The following ITGA8 variants were observed in gnomAD, a reference collection of about 807,000 sequenced individuals.
ITGA8 encodes the protein integrin alpha-8.
ITGA8 carries 91 observed loss-of-function variants against 142.3 expected under a neutral mutation model. The observed-to-expected ratio is 0.64, with a 90% CI of 0.54 to 0.76. The LOEUF (loss-of-function observed/expected upper bound fraction) is 0.76. Among genes scored for constraint, ITGA8 ranks in the 30% least tolerant of loss-of-function variants. The pLI is 0.00. For missense variants in ITGA8, 1,406 were observed against 1,327.7 expected (o/e 1.06, Z -0.92); for synonymous variants, 505 against 485.2 (o/e 1.04, Z -0.54).
chr10:15,606,751 C>CA (rs1177326460), intron 17 of ITGA8, among the ~76,000 whole-genome samples: 8 of 152,074 alleles, frequency 5.3e-5, no homozygotes, highest in Non-Finnish European at 7.4e-5. Context: ...ATAAATGTCA[C>CA]AAAAAACATC....
intron 28 of ITGA8, among the ~76,000 whole-genome samples, chr10:15,525,800 ATTAT>A (rs907940747): frequency 3.9e-5 from 6 of 152,064 alleles, no homozygotes; most frequent in Non-Finnish European, 7.4e-5. Flanking sequence ...TGAATCATGT[ATTAT>A]TTATTAATGA....
intron 20 of ITGA8, among the ~76,000 whole-genome samples, chr10:15,599,675 C>T (rs887996630): frequency 6.6e-6 from 1 of 151,350 alleles, no homozygotes; most frequent in African/African-American, 2.4e-5. Flanking sequence ...AATCCCAGCA[C>T]TTTGGGAGGC....
intron 26 of ITGA8, among the ~76,000 whole-genome samples, chr10:15,556,814 A>G (rs1386103339): frequency 3.9e-5 from 6 of 152,208 alleles, no homozygotes; most frequent in Non-Finnish European, 8.8e-5. Context: ...CTATCTAACT[A>G]TATTTTGTAC....
At chr10:15,642,430 T>C (rs1234449419) in intron 13 of ITGA8, among the ~76,000 whole-genome samples, 1 of 152,172 alleles carries the variant, frequency 6.6e-6, no homozygotes, top group Admixed American at 6.5e-5. Flanking sequence ...ATGACTACCA[T>C]AATAAATAGC....
At chr10:15,633,787 C>T (rs372759757) in intron 13 of ITGA8, among the ~76,000 whole-genome samples, 72 of 152,196 alleles carry the variant, frequency 4.7e-4, no homozygotes, top group African/African-American at 1.7e-3. Flanking sequence ...TTTTCCCCCC[C>T]TCACTCATAT....
At chr10:15,612,767 T>A (rs747552606) in intron 15 of ITGA8, among the ~76,000 whole-genome samples, 22 of 152,256 alleles carry the variant, frequency 1.4e-4, no homozygotes, top group Non-Finnish European at 3.1e-4. Flanking sequence ...TCTTGTATAA[T>A]GTGTTCCTTC....
chr10:15,586,250 G>C (rs1434155518), intron 23 of ITGA8, among the ~76,000 whole-genome samples: 2 of 150,800 alleles, frequency 1.3e-5, no homozygotes, highest in South Asian at 4.2e-4. Context: ...GGAGAGACAG[G>C]GTTTCACGAT....
intron 13 of ITGA8, among the ~76,000 whole-genome samples, chr10:15,640,411 G>A (rs1343625217): frequency 6.6e-6 from 1 of 152,180 alleles, no homozygotes; most frequent in African/African-American, 2.4e-5. Context: ...AATTTGAAAG[G>A]CAAAGTGCTT....
chr10:15,537,014 G>C (rs921140334), intron 27 of ITGA8, among the ~76,000 whole-genome samples: 2 of 152,092 alleles, frequency 1.3e-5, no homozygotes, highest in African/African-American at 4.8e-5. Context: ...CAAAACCTAA[G>C]GAATTAGTGG....
chr10:15,648,219 G>A (rs985769594), intron 11 of ITGA8, among the ~76,000 whole-genome samples: 2 of 151,988 alleles, frequency 1.3e-5, no homozygotes, highest in African/African-American at 4.8e-5. Context: ...TAAATTAATG[G>A]CCTCTATTAA....
At chr10:15,547,444 C>T (rs1338694173) in intron 27 of ITGA8, among the ~76,000 whole-genome samples, 7 of 152,144 alleles carry the variant, frequency 4.6e-5, no homozygotes, top group East Asian at 1.9e-4. Context: ...TGGTGGCCCA[C>T]GCCTGTAGTC....
intron 23 of ITGA8, among the ~76,000 whole-genome samples, chr10:15,582,002 G>T (rs1212498499): frequency 6.6e-6 from 1 of 152,180 alleles, no homozygotes; most frequent in Non-Finnish European, 1.5e-5. Flanking sequence ...ACTTTGGGAG[G>T]GTGAGGCAGG....
At chr10:15,627,700 G>A (rs947357965) in intron 13 of ITGA8, among the ~76,000 whole-genome samples, 5 of 152,158 alleles carry the variant, frequency 3.3e-5, no homozygotes, top group African/African-American at 9.7e-5. Context: ...CCTGGGTCTG[G>A]GGTGCAGAAC....
intron 10 of ITGA8, among the ~76,000 whole-genome samples, chr10:15,657,331 A>T (rs369001768): frequency 3.3e-5 from 5 of 152,280 alleles, no homozygotes; most frequent in African/African-American, 1.2e-4. Flanking sequence ...TTCAATATCT[A>T]TTCAACTTCC....
chr10:15,528,870 A>G (rs17137292), intron 28 of ITGA8, among the ~76,000 whole-genome samples: 52,771 of 152,034 alleles, frequency 0.35, 9,468 homozygotes, highest in African/African-American at 0.42. Context: ...ATGAAGAAAG[A>G]TGTGGCTGTG....
At chr10:15,656,182 A>G (rs954117953) in intron 10 of ITGA8, among the ~76,000 whole-genome samples, 1 of 152,148 alleles carries the variant, frequency 6.6e-6, no homozygotes, top group Admixed American at 6.6e-5. Flanking sequence ...GAGTGCGCTG[A>G]TGACAAGAGA....
chr10:15,687,326 C>T (rs1469378492), intron 3 of ITGA8, among the ~76,000 whole-genome samples: 1 of 151,856 alleles, frequency 6.6e-6, no homozygotes, highest in African/African-American at 2.4e-5. Context: ...AAAAGACTTC[C>T]AGATTACTTC....
In ITGA8 at chr10:15,617,011, C is replaced by T. The variant is rs1209326475; in HGVS notation, c.1400-452G>A. Among the ~76,000 whole-genome samples, 3 of 152,134 alleles carry T rather than the reference C, an allele frequency of 2.0e-5. 1 individual carries two copies. Among genetic ancestry groups the T allele is most frequent in the Admixed American group, 2.0e-4 (3 of 15,276 alleles). On this transcript the variant is annotated intron_variant, in intron 13 of 29. Coordinates refer to ENST00000378076, the MANE Select transcript of ITGA8 (RefSeq NM_003638.3). ...GTTCTGATTGTCATTTTGACACAAC[C>T]GTTTGCTCTTTACAAATAGTATGGG...
intron 13 of ITGA8, among the ~76,000 whole-genome samples, chr10:15,640,300 A>G (rs1216923773): frequency 6.6e-6 from 1 of 152,142 alleles, no homozygotes; most frequent in Non-Finnish European, 1.5e-5. Context: ...CCACTCCCAG[A>G]TTCCGTAGCT....
Sources: allele counts gnomAD v4.1 joint callset (sites outside exome capture counted in the v4.1 genomes callset), GRCh38; gene constraint gnomAD v4.1.1; transcripts MANE v1.5; gene names NCBI Gene and HGNC (gene_info 2026-07-23, HGNC 2026-07-21).